The following DNAJC18 variants were observed in gnomAD, a reference collection of about 807,000 sequenced individuals.
DNAJC18 encodes DnaJ heat shock protein family (Hsp40) member C18, also known as dnaJ homolog subfamily C member 18.
A neutral mutation model predicts 48.6 loss-of-function variants in DNAJC18; 40 were observed. That is an observed-to-expected ratio of 0.82 (90% CI 0.64 to 1.07). DNAJC18 has a LOEUF of 1.07. Among genes scored for constraint, DNAJC18 ranks in the 50% least tolerant of loss-of-function variants. The pLI, the probability that DNAJC18 is intolerant of heterozygous loss-of-function variation, is 0.00. For missense variants in DNAJC18, 340 were observed against 427.7 expected, an observed-to-expected ratio of 0.79 and a Z score of 1.81; for synonymous variants, 135 against 152.2, an observed-to-expected ratio of 0.89 and a Z score of 0.83.
At position 139,413,973 on chromosome 5, in the gene DNAJC18, T is replaced by C. The variant is rs1759033007; in HGVS notation, c.*175A>G. ...CCCTGGAGCCACTCCCCAGGAAGGA[T>C]CCTGTGAAGACACATCTGGCTCTCG... On this transcript the variant is annotated 3_prime_UTR_variant, in exon 8 of 8. Coordinates refer to ENST00000302060, the MANE Select transcript of DNAJC18 (RefSeq NM_152686.4). 2 of 876,252 alleles carry C rather than the reference T, an allele frequency of 2.3e-6. No individual in the cohort carries two copies. The highest frequency in any genetic ancestry group is 1.7e-5 in the African/African-American group (1 of 58,264). The allele number at this position is 876,252 out of a possible 1,614,324, so 54.3% of individuals were successfully genotyped here. A position where few individuals can be genotyped will look rare whatever the true frequency, so the allele number is the denominator to read the frequency against.
intron 4 of DNAJC18, 118 bp from the exon 5 acceptor site, chr5:139,425,232 C>T (rs951219011): frequency 4.3e-5 from 29 of 678,900 alleles, no homozygotes; most frequent in African/African-American, 9.2e-5. Flanking sequence ...GGGGTGATCT[C>T]GGCTCACTGC....
chr5:139,434,520 G>C (rs904991879), intron 2 of DNAJC18, among the ~76,000 whole-genome samples: 5 of 151,976 alleles, frequency 3.3e-5, no homozygotes, highest in African/African-American at 1.2e-4. Context: ...ACAGGGCCTC[G>C]CTATGTCGCT....
At position 139,425,019 on chromosome 5, in the gene DNAJC18, C is replaced by T. The variant is rs778779723; in HGVS notation, c.655G>A (p.Glu219Lys). The change falls in exon 5 of 8, where the codon GAA becomes AAA. Residue 219 changes from glutamate to lysine, a missense_variant. Transcript: ENST00000302060. ...ERTQTQKEEEEEKPQTTYSAF... is the reference protein window; with the variant it reads ...ERTQTQKEEEKEKPQTTYSAF... The stretch of plus-strand genomic sequence containing the variant: ...TCCCTAGGTACCTGAGGTTTCTCTT[C>T]TTCCTCCTCCTTCTGAGTCTGTGTC... 6.2e-7 allele frequency: 1 copy of T among 1,613,158 alleles called. No homozygotes were observed. The highest frequency in any genetic ancestry group is 8.5e-7 in the Non-Finnish European group (1 of 1,179,262).
rs141875926 is a variant in DNAJC18, at chr5:139,425,114, C to T, written c.560G>A (p.Gly187Glu). ...CACATTTGAAAACATATGAATATTT[C>T]CTGGAAAAGAAATACATGGTATGGG... is the stretch of plus-strand genomic sequence containing the variant. Reference protein sequence around the residue: ...NVFFGGHFPTGNIHMFSNVTD... With the variant: ...NVFFGGHFPTENIHMFSNVTD... The change falls in exon 5 of 8, where the codon GGA becomes GAA. Residue 187 changes from glycine to glutamate, a missense_variant and splice_region_variant. Coordinates refer to ENST00000302060, the MANE Select transcript of DNAJC18 (RefSeq NM_152686.4). 1.2e-6 allele frequency: 2 copies of T among 1,610,408 alleles called. No homozygotes were observed. Among genetic ancestry groups the T allele is most frequent in the Non-Finnish European group, 1.7e-6 (2 of 1,177,340 alleles).
intron 6 of DNAJC18, among the ~76,000 whole-genome samples, chr5:139,421,861 ATGGTCT>A (rs1759159808): frequency 6.6e-6 from 1 of 152,100 alleles, no homozygotes; most frequent in Non-Finnish European, 1.5e-5. Context: ...ACCTGGAATG[ATGGTCT>A]TGTCTACAGT....
chr5:139,424,755 T>A (rs1441836257), intron 5 of DNAJC18, among the ~76,000 whole-genome samples: 1 of 124,630 alleles, frequency 8.0e-6, no homozygotes, highest in Non-Finnish European at 1.6e-5. Context: ...AAAAAAGCCT[T>A]GATGAAGTCA....
intron 5 of DNAJC18, among the ~76,000 whole-genome samples, chr5:139,423,493 G>C (rs1299633936): frequency 6.6e-6 from 1 of 150,968 alleles, no homozygotes; most frequent in Non-Finnish European, 1.5e-5. Context: ...GGGTTCTGAT[G>C]ATTCTCTCGC....
chr5:139,413,173 C>T lies in DNAJC18; in HGVS notation c.*975G>A. On this transcript the variant is annotated 3_prime_UTR_variant, in exon 8 of 8. Coordinates refer to ENST00000302060, the MANE Select transcript of DNAJC18 (RefSeq NM_152686.4). ...ATGAAAAATCATCTCAAATCACAAA[C>T]TATAGGATACTGGGTTAAACAAAGT... The T allele has an allele frequency of 3.2e-6, 1 of 311,858 alleles. No individual in the cohort carries two copies. Among genetic ancestry groups the T allele is most frequent in the Non-Finnish European group, 5.8e-6 (1 of 171,880 alleles). The allele number at this position is 311,858 out of a possible 1,614,324, so 19.3% of individuals were successfully genotyped here.
rs1486001952 is a variant in DNAJC18, at chr5:139,410,748, G to A, written c.*3400C>T. 1 of 152,748 alleles carries A rather than the reference G, an allele frequency of 6.5e-6. No homozygotes were observed. The highest frequency in any genetic ancestry group is 1.5e-5 in the Non-Finnish European group (1 of 68,676). 9.5% of individuals were successfully genotyped at this position (152,748 alleles called of 1,614,324 possible). On this transcript the variant is annotated 3_prime_UTR_variant, in exon 8 of 8. Transcript: ENST00000302060. ...AACCCATGTTCCAGTGGCATCTGGA[G>A]TTCACTGTATTTTCTTTTTTCTTTC...
chr5:139,436,520 T>C (rs965237532), intron 2 of DNAJC18, among the ~76,000 whole-genome samples: 51 of 140,574 alleles, frequency 3.6e-4, no homozygotes, highest in African/African-American at 1.4e-3. Context: ...TCTTTCTTTT[T>C]TTTTTTTTTT....
intron 2 of DNAJC18, among the ~76,000 whole-genome samples, chr5:139,429,036 TTC>T (rs1759288897): frequency 6.6e-6 from 1 of 152,070 alleles, no homozygotes; most frequent in Non-Finnish European, 1.5e-5. Flanking sequence ...TTATAATTTT[TTC>T]TCTCTTTTTC....
intron 6 of DNAJC18, 123 bp downstream of exon 6, chr5:139,422,585 A>C: frequency 1.3e-6 from 1 of 766,810 alleles, no homozygotes; most frequent in Non-Finnish European, 2.2e-6. Flanking sequence ...TGTTCCTTTA[A>C]ACATCAAATC....
At chr5:139,423,826 C>A (rs922658710) in intron 5 of DNAJC18, among the ~76,000 whole-genome samples, 16 of 151,814 alleles carry the variant, frequency 1.1e-4, no homozygotes, top group Non-Finnish European at 1.9e-4. Flanking sequence ...CAATCTATAC[C>A]AAATAACCTT....
At chr5:139,418,848 TAGTA>T (rs767198951) in intron 7 of DNAJC18, 2 of 456,300 alleles carry the variant, frequency 4.4e-6, no homozygotes, top group Non-Finnish European at 8.8e-6. Context: ...GACACAAAAT[TAGTA>T]AGACCAAGTT....
At chr5:139,428,469 A>G in intron 3 of DNAJC18, 69 bp downstream of exon 3, 1 of 1,551,554 alleles carries the variant, frequency 6.4e-7, no homozygotes, top group Non-Finnish European at 8.7e-7. Context: ...AACTATGGGG[A>G]AGGCTAAAAG....
chr5:139,430,511 T>C (rs1026669672), intron 2 of DNAJC18, among the ~76,000 whole-genome samples: 2 of 152,166 alleles, frequency 1.3e-5, no homozygotes, highest in Non-Finnish European at 1.5e-5. Context: ...ATATTGTGAT[T>C]AAATAAAGTC....
At chr5:139,434,027 G>T (rs1208314430) in intron 2 of DNAJC18, among the ~76,000 whole-genome samples, 1 of 151,972 alleles carries the variant, frequency 6.6e-6, no homozygotes, top group Non-Finnish European at 1.5e-5. Context: ...AAGTAGCTGG[G>T]ATTACAGGTG....
At chr5:139,426,978 C>T (rs1759255411) in intron 3 of DNAJC18, among the ~76,000 whole-genome samples, 1 of 152,082 alleles carries the variant, frequency 6.6e-6, no homozygotes, top group Non-Finnish European at 1.5e-5. Context: ...CCTTGGCCTC[C>T]AAAAGTTTGG....
At chr5:139,419,201 A>T (rs185528127) in intron 7 of DNAJC18, 211 of 444,730 alleles carry the variant, frequency 4.7e-4, no homozygotes, top group Non-Finnish European at 8.3e-4. Context: ...AATAAAAATA[A>T]TCAAAACCAA....
Sources: allele counts gnomAD v4.1 joint callset (sites outside exome capture counted in the v4.1 genomes callset), GRCh38; gene constraint gnomAD v4.1.1; transcripts MANE v1.5; gene names NCBI Gene and HGNC (gene_info 2026-07-23, HGNC 2026-07-21).